The following ACAD10 variants were observed in gnomAD, a reference collection of about 807,000 sequenced individuals.
ACAD10 encodes ACAD-10.
ACAD10 carries 112 observed loss-of-function variants against 116.8 expected under a neutral mutation model. The ratio of observed to expected loss-of-function variants is 0.96; its 90% CI spans 0.82 to 1.12. The LOEUF is 1.12. Ranked by LOEUF, ACAD10 falls within the 50% of genes most tolerant of loss-of-function variation. The pLI, the probability that ACAD10 is intolerant of heterozygous loss-of-function variation, is 0.00. For synonymous variants in ACAD10, 486 were observed against 510.6 expected, an observed-to-expected ratio of 0.95 and a Z score of 0.65; for missense variants, 1,259 against 1,350.2, an observed-to-expected ratio of 0.93 and a Z score of 1.06.
intron 5 of ACAD10, among the ~76,000 whole-genome samples, chr12:111,710,709 G>C (rs1888652494): frequency 6.6e-6 from 1 of 152,000 alleles, no homozygotes; most frequent in South Asian, 2.1e-4. Context: ...TGCCCAAGCT[G>C]GTCTCAAACT....
intron 7 of ACAD10, among the ~76,000 whole-genome samples, chr12:111,720,981 A>G (rs1349889100): frequency 6.6e-6 from 1 of 151,626 alleles, no homozygotes; most frequent in Middle Eastern, 3.2e-3. Context: ...AAAGGGTTTT[A>G]CCATGTTGGC....
At chr12:111,724,829 C>T (rs1220447979) in intron 8 of ACAD10, among the ~76,000 whole-genome samples, 5 of 149,372 alleles carry the variant, frequency 3.3e-5, no homozygotes, top group Non-Finnish European at 4.4e-5. Context: ...AGAGGGAGAC[C>T]GTGGAAAGAG....
Position 111,729,859 on chromosome 12 carries a change from G to A in ACAD10, c.1297G>A (p.Glu433Lys), listed in dbSNP as rs200769692. 6.9e-5 allele frequency: 112 copies of A among 1,614,096 alleles called. 1 individual carries two copies. In the African/African-American group the frequency reaches 7.7e-4, roughly 11 times the overall value. Reference sequence around the variant, plus strand: ...CTGGGTTAAGCAGTATCGAGCTTCCGAAACTAGCACCATCCCAGCCATGGA... The same window carrying A: ...CTGGGTTAAGCAGTATCGAGCTTCCAAAACTAGCACCATCCCAGCCATGGA... ...RTWVKQYRASETSTIPAMERL... is the reference protein window; with the variant it reads ...RTWVKQYRASKTSTIPAMERL... The change falls in exon 10 of 21, where the codon GAA (glutamate) becomes AAA (lysine). Residue 433 changes from glutamate (E) to lysine (K), a missense_variant. Physicochemically the swap from Glu to Lys is moderately conservative, Grantham distance 56 (BLOSUM62 1). Coordinates refer to ENST00000313698, the MANE Select transcript of ACAD10 (RefSeq NM_025247.6).
chr12:111,723,517 G>C (rs2135967965), intron 8 of ACAD10, among the ~76,000 whole-genome samples: 2 of 129,438 alleles, frequency 1.5e-5, no homozygotes, highest in African/African-American at 3.0e-5. Context: ...GGGCAGAGGG[G>C]CTCCTCACTT....
At chr12:111,704,981 C>T (rs1223181704) in intron 3 of ACAD10, among the ~76,000 whole-genome samples, 2 of 151,812 alleles carry the variant, frequency 1.3e-5, no homozygotes, top group East Asian at 1.9e-4. Flanking sequence ...GCCACTGCGC[C>T]CAGCCTTATA....
At chr12:111,756,068 G>A (rs1166037759) in intron 20 of ACAD10, 20 of 1,243,900 alleles carry the variant, frequency 1.6e-5, no homozygotes, top group Non-Finnish European at 2.0e-5. Context: ...CCATGCAGGG[G>A]GGCCGCCTCC....
chr12:111,755,824 C>T (rs566097258), intron 20 of ACAD10, 79 bp downstream of exon 20: 7 of 1,376,780 alleles, frequency 5.1e-6, no homozygotes, highest in South Asian at 1.2e-5. Flanking sequence ...GCCGCCCAGC[C>T]TCCCATAGAC....
chr12:111,701,538 G>A (rs768817932), intron 2 of ACAD10, among the ~76,000 whole-genome samples: 4 of 152,180 alleles, frequency 2.6e-5, no homozygotes, highest in Non-Finnish European at 5.9e-5. Flanking sequence ...GGTGGTGCAC[G>A]CCTATAATCT....
Position 111,753,844 on chromosome 12 carries a change from C to T in ACAD10, c.2890C>T (p.Arg964Cys), listed in dbSNP as rs750829444. 13 of 1,613,842 alleles carry T rather than the reference C, an allele frequency of 8.1e-6. No individual in the cohort carries two copies. The Admixed American group carries it at 1.3e-4, about 17-fold the overall frequency. The change falls in exon 19 of 21, where the codon CGC (arginine) becomes TGC (cysteine). Residue 964 changes from arginine (R) to cysteine (C), a missense_variant. Transcript: ENST00000313698. ...AGTGCTGGCGGACATCGCGCAGTCG[C>T]GCGTGGAGATTGAGCAGGCACGGCT... ...GTVLADIAQS[R>C]VEIEQARLLV...
chr12:111,733,906 C>T lies in ACAD10; in HGVS notation c.1395-17C>T, dbSNP rs765985147. On this transcript the variant is annotated splice_polypyrimidine_tract_variant and intron_variant, in intron 10 of 20. Coordinates refer to ENST00000313698, the MANE Select transcript of ACAD10 (RefSeq NM_025247.6). The stretch of plus-strand genomic sequence containing the variant: ...AGTTTTCTTAGTGCTGTCTCTATTC[C>T]TCCTGCGACTTTTCAGGCTCGACAA... 5 of 1,613,934 alleles carry T rather than the reference C, an allele frequency of 3.1e-6. No homozygotes were observed. Among genetic ancestry groups the T allele is most frequent in the South Asian group, 1.1e-5 (1 of 91,094 alleles).
chr12:111,745,508 C>T, intron 13 of ACAD10: 1 of 193,306 alleles, frequency 5.2e-6, no homozygotes. Flanking sequence ...TCACGTGAAC[C>T]TTGGATTGTG....
intron 13 of ACAD10, 96 bp from the exon 14 acceptor site, chr12:111,746,048 T>G (rs1889885980): frequency 1.3e-5 from 19 of 1,497,486 alleles, no homozygotes; most frequent in Non-Finnish European, 1.6e-5. Context: ...TTTGGTTGTC[T>G]GCCTTGTTTC....
chr12:111,709,504 C>T, intron 4 of ACAD10, 22 bp from the exon 5 acceptor site: 1 of 1,525,550 alleles, frequency 6.6e-7, no homozygotes, highest in Non-Finnish European at 8.8e-7. Context: ...ACATTCATCT[C>T]TCATTCCTGT....
At chr12:111,749,921 C>T (rs745933751) in intron 18 of ACAD10, among the ~76,000 whole-genome samples, 3 of 151,208 alleles carry the variant, frequency 2.0e-5, no homozygotes, top group Non-Finnish European at 4.4e-5. Context: ...ACTACAGGCA[C>T]GTGCCACCAC....
chr12:111,745,193 C>T, intron 13 of ACAD10, 150 bp downstream of exon 13: 1 of 862,008 alleles, frequency 1.2e-6, no homozygotes, highest in Non-Finnish European at 1.7e-6. Flanking sequence ...AAAGAGCCAG[C>T]TCTTCATGAC....
intron 18 of ACAD10, among the ~76,000 whole-genome samples, chr12:111,752,558 GA>G (rs1195056371): frequency 6.6e-6 from 1 of 151,662 alleles, no homozygotes; most frequent in African/African-American, 2.4e-5. Flanking sequence ...GCAGTGAGCC[GA>G]GATCGCGCCA....
chr12:111,714,917 C>T (rs900568076), intron 6 of ACAD10, among the ~76,000 whole-genome samples: 3 of 151,876 alleles, frequency 2.0e-5, no homozygotes, highest in Admixed American at 2.0e-4. Context: ...GGTTTCACCA[C>T]GTTGGTCAGG....
intron 18 of ACAD10, among the ~76,000 whole-genome samples, chr12:111,751,876 T>C (rs931106003): frequency 3.3e-5 from 5 of 150,872 alleles, no homozygotes; most frequent in African/African-American, 1.2e-4. Context: ...CTGACCAACA[T>C]AGAGAAACCC....
chr12:111,723,216 G>A (rs1889083074), intron 8 of ACAD10, among the ~76,000 whole-genome samples: 1 of 139,716 alleles, frequency 7.2e-6, no homozygotes, highest in Non-Finnish European at 1.6e-5. Flanking sequence ...CTCCCTCCCG[G>A]ACGGGGCGGC....
Sources: gnomAD v4.1 joint callset for allele counts (sites outside exome capture counted in the v4.1 genomes callset) on GRCh38, gnomAD v4.1.1 for gene constraint, MANE v1.5 for transcripts, NCBI Gene and HGNC (gene_info 2026-07-23, HGNC 2026-07-21) for gene names.